Variants in POM121 observed in about 807,000 individuals in gnomAD.
The protein encoded by POM121 is POM121 transmembrane nucleoporin, also known as nuclear envelope pore membrane protein POM 121.
POM121 carries 32 observed loss-of-function variants against 81.3 expected under a neutral mutation model. The observed-to-expected ratio is 0.39, with a 90% CI of 0.30 to 0.53. The LOEUF (loss-of-function observed/expected upper bound fraction) is 0.53, where lower values mean the gene tolerates loss of function less well. POM121 is among the 20% of genes least tolerant of loss of function. POM121 has a pLI of 0.66. For missense variants in POM121, 1,138 were observed against 1,614.6 expected, an observed-to-expected ratio of 0.70 and a Z score of 5.06; for synonymous variants, 514 against 694.2, an observed-to-expected ratio of 0.74 and a Z score of 4.08.
chr7:72,930,705 G>T (rs1222958909), intron 5 of POM121, among the ~76,000 whole-genome samples: 3 of 152,170 alleles, frequency 2.0e-5, no homozygotes, highest in Non-Finnish European at 4.4e-5. Flanking sequence ...TCAAATCTTG[G>T]CTCTGAGGCT....
intron 4 of POM121, among the ~76,000 whole-genome samples, chr7:72,918,749 T>C (rs533891239): frequency 6.6e-6 from 1 of 152,250 alleles, no homozygotes; most frequent in Non-Finnish European, 1.5e-5. Flanking sequence ...GCCTTCTTGC[T>C]GTGTCCTCAT....
intron 3 of POM121, among the ~76,000 whole-genome samples, chr7:72,894,588 A>AC (rs1791670205): frequency 6.7e-6 from 1 of 150,238 alleles, no homozygotes; most frequent in African/African-American, 2.5e-5. Context: ...AAAAAAAAAA[A>AC]AAACTCTTTC....
intron 1 of POM121, 97 bp downstream of exon 1, chr7:72,925,862 C>T: frequency 8.0e-7 from 1 of 1,252,468 alleles, no homozygotes; most frequent in Non-Finnish European, 1.0e-6. Flanking sequence ...CATCAAGTCC[C>T]AAGGGGATTG....
At chr7:72,950,140 G>A (rs142919447), downstream of POM121, 17,869 of 1,603,406 alleles carry the variant, frequency 0.011, 166 homozygotes, top group Non-Finnish European at 0.014. Context: ...CAGCAGCTCC[G>A]GCATCAAGGG....
intron 2 of POM121, 125 bp from the exon 3 acceptor site, chr7:72,926,677 T>G (rs1268759386): frequency 6.7e-6 from 10 of 1,487,862 alleles, no homozygotes; most frequent in Non-Finnish European, 9.1e-6. Flanking sequence ...TAACGGGAAC[T>G]GCTGTGAGTG....
At chr7:72,929,004 G>A (rs560555962) in intron 4 of POM121, among the ~76,000 whole-genome samples, 1 of 152,206 alleles carries the variant, frequency 6.6e-6, no homozygotes, top group Non-Finnish European at 1.5e-5. Context: ...CCGTAGTTCT[G>A]CTCACTGTCC....
At chr7:72,887,042 A>G (rs1790792073) in intron 1 of POM121, among the ~76,000 whole-genome samples, 1 of 151,574 alleles carries the variant, frequency 6.6e-6, no homozygotes, top group South Asian at 2.1e-4. Flanking sequence ...AAATTTTCCC[A>G]CAACACACTG....
In POM121 at chr7:72,945,616, C is replaced by A. The variant is rs1554503002; in HGVS notation, c.3560C>A (p.Thr1187Asn). Residue 1187 changes from threonine (T) to asparagine (N), a missense_variant, in exon 12 of 13, where the codon ACC (threonine) becomes AAC (asparagine). Physicochemically the swap from Thr to Asn is moderately conservative, Grantham distance 65. Transcript: ENST00000434423. ...GCCACCCCCACCTTTGGTCTGAACA[C>A]CCCTGCGCCTGGAGTGGGCACATCA... The part of the protein sequence containing the change: ...GTATPTFGLN[T>N]PAPGVGTSGS... The A allele has an allele frequency of 3.1e-6, 5 of 1,613,624 alleles. No homozygotes were observed. The highest frequency in any genetic ancestry group is 4.2e-6 in the Non-Finnish European group (5 of 1,179,732).
chr7:72,931,143 A>G (rs1476992931), intron 5 of POM121, among the ~76,000 whole-genome samples: 2 of 152,144 alleles, frequency 1.3e-5, no homozygotes, highest in Admixed American at 6.5e-5. Context: ...CCCTCTTAAT[A>G]ATTTAAGAGG....
At chr7:72,884,041 G>C (rs1790431541) in intron 1 of POM121, among the ~76,000 whole-genome samples, 1 of 152,016 alleles carries the variant, frequency 6.6e-6, no homozygotes, top group South Asian at 2.1e-4. Context: ...AAGTAGCTGG[G>C]AGTATAGTCA....
At chr7:72,901,210 CT>C (rs1419586321) in intron 3 of POM121, among the ~76,000 whole-genome samples, 2 of 148,928 alleles carry the variant, frequency 1.3e-5, no homozygotes, top group African/African-American at 4.9e-5. Context: ...ACCTTTTTTT[CT>C]TTTTTTCTTT....
chr7:72,886,956 A>G lies in POM121; in HGVS notation c.-520-3671A>G, dbSNP rs1189678229. 1.1e-4 allele frequency among the ~76,000 whole-genome samples: 17 copies of G among 151,380 alleles called. 1 individual carries two copies. Among genetic ancestry groups the G allele is most frequent in the African/African-American group, 4.1e-4 (17 of 41,270 alleles). On this transcript the variant is annotated intron_variant, in intron 1 of 15. Transcript: ENST00000395270. ...TTATGGTGTCATCACTTGGGGGAACATTTTTATCATTATCTCTTCAAGTAC... is the reference window on the plus strand; with the variant it reads ...TTATGGTGTCATCACTTGGGGGAACGTTTTTATCATTATCTCTTCAAGTAC...
At chr7:72,884,552 TATATATTTGATAGCAAATATATAC>T (rs1563129806) in intron 1 of POM121, among the ~76,000 whole-genome samples, 4 of 143,130 alleles carry the variant, frequency 2.8e-5, no homozygotes, top group African/African-American at 1.0e-4. Context: ...ATACATATAA[TATATATTTGATAGCAAATATATAC>T]ATATATTTGA....
intron 1 of POM121, among the ~76,000 whole-genome samples, chr7:72,887,146 A>T (rs2129574611): frequency 6.6e-6 from 1 of 152,200 alleles, no homozygotes; most frequent in Admixed American, 6.5e-5. Flanking sequence ...TTTTTCCACG[A>T]TACTGTTCAT....
chr7:72,899,819 T>C (rs1379976506), intron 3 of POM121, among the ~76,000 whole-genome samples: 1 of 152,076 alleles, frequency 6.6e-6, no homozygotes, highest in Non-Finnish European at 1.5e-5. Context: ...GAACTCGTGA[T>C]CCACCCACCT....
At chr7:72,911,568 A>G (rs1793805984) in intron 3 of POM121, among the ~76,000 whole-genome samples, 1 of 152,230 alleles carries the variant, frequency 6.6e-6, no homozygotes, top group Admixed American at 6.5e-5. Context: ...CCTGCACCGC[A>G]GTCACTGTGC....
chr7:72,949,047 A>G (rs1554504159), downstream of POM121: 4 of 1,613,410 alleles, frequency 2.5e-6, no homozygotes, highest in Non-Finnish European at 2.5e-6. Flanking sequence ...GGGCATGCAG[A>G]CGCACCGGGC....
upstream of POM121, among the ~76,000 whole-genome samples, chr7:72,922,030 C>G (rs1281396270): frequency 6.6e-6 from 1 of 152,122 alleles, no homozygotes; most frequent in African/African-American, 2.4e-5. Context: ...GGCATGAGTT[C>G]TGTTTGTTCC....
intron 2 of POM121, chr7:72,890,828 A>C (rs1461360659): frequency 2.0e-6 from 3 of 1,487,908 alleles, no homozygotes; most frequent in African/African-American, 1.4e-5. Context: ...ATAAGTGACA[A>C]CACCATTTAA....
Sources: allele counts gnomAD v4.1 joint callset (sites outside exome capture counted in the v4.1 genomes callset), GRCh38; gene constraint gnomAD v4.1.1; transcripts MANE v1.5; gene names NCBI Gene and HGNC (gene_info 2026-07-23, HGNC 2026-07-21).